The following LUZP2 variants were observed in gnomAD, a reference collection of about 807,000 sequenced individuals.
LUZP2 encodes leucine zipper protein 2.
In LUZP2, 52 loss-of-function variants were observed where a neutral mutation model predicts 51.6. The ratio of observed to expected loss-of-function variants is 1.01; its 90% confidence interval spans 0.81 to 1.27. The LOEUF (loss-of-function observed/expected upper bound fraction) is 1.27, where lower values mean the gene tolerates loss of function less well. LUZP2 is among the 50% of genes most tolerant of loss of function. The pLI is 0.00. For missense variants in LUZP2, 436 were observed against 395.4 expected, an observed-to-expected ratio of 1.10 and a Z score of -0.87; for synonymous variants, 154 against 137.3, an observed-to-expected ratio of 1.12 and a Z score of -0.85.
intron 7 of LUZP2, among the ~76,000 whole-genome samples, chr11:24,962,154 A>T (rs6484087): frequency 2.6e-5 from 4 of 152,046 alleles, no homozygotes; most frequent in Non-Finnish European, 5.9e-5. Flanking sequence ...TGGGTAACCC[A>T]ACCTTTCTCT....
intron 5 of LUZP2, among the ~76,000 whole-genome samples, chr11:24,798,093 C>T (rs533704681): frequency 6.6e-6 from 1 of 152,120 alleles, no homozygotes; most frequent in Middle Eastern, 3.4e-3. Flanking sequence ...CTCTGATGCT[C>T]TGTAAAATAC....
intron 10 of LUZP2, 62 bp downstream of exon 10, chr11:25,050,192 A>G: frequency 1.1e-6 from 1 of 902,034 alleles, no homozygotes. Context: ...CAAGCATTTT[A>G]GCAATTCTAA....
intron 9 of LUZP2, among the ~76,000 whole-genome samples, chr11:25,018,542 C>A (rs753637553): frequency 1.3e-5 from 2 of 150,816 alleles, no homozygotes; most frequent in Non-Finnish European, 3.0e-5. Flanking sequence ...TTAGCATGGA[C>A]TTATAGTTAC....
At chr11:25,032,226 T>C (rs374053986) in intron 9 of LUZP2, among the ~76,000 whole-genome samples, 8 of 152,150 alleles carry the variant, frequency 5.3e-5, no homozygotes, top group African/African-American at 1.9e-4. Flanking sequence ...ATGTAAGATG[T>C]CCAACCAACA....
At chr11:24,654,821 G>A (rs558833702) in intron 1 of LUZP2, among the ~76,000 whole-genome samples, 27 of 142,836 alleles carry the variant, frequency 1.9e-4, no homozygotes, top group African/African-American at 5.9e-4. Context: ...CACCGCGCCC[G>A]GCCTACTTTT....
At chr11:24,774,360 C>CTATATA (rs1485638353) in intron 5 of LUZP2, among the ~76,000 whole-genome samples, 1 of 76,172 alleles carries the variant, frequency 1.3e-5, no homozygotes, top group African/African-American at 5.6e-5. Context: ...CTCTCTCTCT[C>CTATATA]TCTATATATA....
intron 9 of LUZP2, among the ~76,000 whole-genome samples, chr11:25,043,545 A>G (rs2134009919): frequency 1.3e-5 from 1 of 79,996 alleles, no homozygotes; most frequent in African/African-American, 2.9e-5. Flanking sequence ...GCTGCAAAAA[A>G]AAGAAGCTCT....
chr11:24,974,132 A>G (rs1855822439), intron 7 of LUZP2, among the ~76,000 whole-genome samples: 1 of 152,078 alleles, frequency 6.6e-6, no homozygotes. Flanking sequence ...TTGGGTGCAT[A>G]TATATTTAGA....
intron 1 of LUZP2, among the ~76,000 whole-genome samples, chr11:24,499,730 CA>C (rs1472486077): frequency 6.6e-6 from 1 of 152,006 alleles, no homozygotes; most frequent in Non-Finnish European, 1.5e-5. Flanking sequence ...AAACTCTTTC[CA>C]AAGTGTAGGG....
intron 1 of LUZP2, among the ~76,000 whole-genome samples, chr11:24,569,993 A>G (rs1362801204): frequency 2.0e-5 from 3 of 152,104 alleles, no homozygotes; most frequent in African/African-American, 7.2e-5. Flanking sequence ...ACATACTGAC[A>G]AGTTACTAAA....
intron 5 of LUZP2, among the ~76,000 whole-genome samples, chr11:24,873,011 A>G (rs189869520): frequency 1.3e-5 from 2 of 152,310 alleles, no homozygotes; most frequent in Admixed American, 1.3e-4. Flanking sequence ...GAGAAACACT[A>G]TTAGAAAAAA....
chr11:25,015,641 TG>T (rs1180180062), intron 9 of LUZP2, among the ~76,000 whole-genome samples: 1 of 152,128 alleles, frequency 6.6e-6, no homozygotes, highest in Admixed American at 6.5e-5. Flanking sequence ...TACAGATTTT[TG>T]TAAATAACAC....
intron 5 of LUZP2, among the ~76,000 whole-genome samples, chr11:24,850,306 T>G (rs1851350629): frequency 6.6e-6 from 1 of 152,140 alleles, no homozygotes; most frequent in Non-Finnish European, 1.5e-5. Context: ...TTGTATAAGG[T>G]GTAAGGAAGG....
intron 1 of LUZP2, among the ~76,000 whole-genome samples, chr11:24,531,826 T>G (rs1851008643): frequency 6.6e-6 from 1 of 150,928 alleles, no homozygotes; most frequent in Non-Finnish European, 1.5e-5. Context: ...ACACATTAGC[T>G]TAAGACAAAA....
chr11:24,826,531 T>C (rs920045246), intron 5 of LUZP2, among the ~76,000 whole-genome samples: 3 of 150,630 alleles, frequency 2.0e-5, no homozygotes, highest in East Asian at 3.9e-4. Context: ...TTTTTTTTTT[T>C]CCTAATTTCA....
At chr11:24,830,540 T>C (rs1030464133) in intron 5 of LUZP2, among the ~76,000 whole-genome samples, 1 of 152,196 alleles carries the variant, frequency 6.6e-6, no homozygotes, top group Admixed American at 6.5e-5. Flanking sequence ...CAATAGCTAA[T>C]ATGGATAGAA....
intron 5 of LUZP2, among the ~76,000 whole-genome samples, chr11:24,815,666 C>T (rs1317100471): frequency 1.3e-5 from 2 of 152,110 alleles, no homozygotes; most frequent in Non-Finnish European, 2.9e-5. Context: ...GGTTTGTTTT[C>T]AGCCTCCAGA....
chr11:24,699,407 T>A lies in LUZP2; in HGVS notation c.63-29762T>A, dbSNP rs182365337. Among the ~76,000 whole-genome samples the A allele has an allele frequency of 3.1e-3, 475 of 152,292 alleles. 4 individuals carry two copies. Among genetic ancestry groups the A allele is most frequent in the African/African-American group, 9.9e-3 (411 of 41,550 alleles). On this transcript the variant is annotated intron_variant, in intron 1 of 11. Coordinates refer to ENST00000336930, the MANE Select transcript of LUZP2 (RefSeq NM_001009909.4). Reference sequence around the variant, plus strand: ...TTTTCATGAACTTTTTGAAGTTCCTTCATATTTGAAATACATTTTGGAATT... The same window carrying A: ...TTTTCATGAACTTTTTGAAGTTCCTACATATTTGAAATACATTTTGGAATT...
chr11:24,965,853 G>C (rs1392488602), intron 7 of LUZP2, among the ~76,000 whole-genome samples: 7 of 151,650 alleles, frequency 4.6e-5, no homozygotes, highest in African/African-American at 1.7e-4. Context: ...TAGCACCCAA[G>C]GAATCATAAA....
Sources: gnomAD v4.1 joint callset for allele counts (sites outside exome capture counted in the v4.1 genomes callset) on GRCh38, gnomAD v4.1.1 for gene constraint, MANE v1.5 for transcripts, NCBI Gene and HGNC (gene_info 2026-07-23, HGNC 2026-07-21) for gene names.